The following LRFN5 variants were observed in gnomAD, a reference collection of about 807,000 sequenced individuals.
LRFN5 encodes leucine-rich repeat and fibronectin type-III domain-containing protein 5.
LRFN5 carries 24 observed loss-of-function variants against 45.6 expected under a neutral mutation model. The observed-to-expected ratio is 0.53, with a 90% CI of 0.38 to 0.74. The LOEUF is 0.74. Among genes scored for constraint, LRFN5 ranks in the 30% least tolerant of loss-of-function variants. LRFN5 has a pLI of 0.00. For synonymous variants in LRFN5, 340 were observed against 313.8 expected (o/e 1.08, Z -0.88); for missense variants, 776 against 861.5 (o/e 0.90, Z 1.24).
At chr14:41,781,222 G>A (rs1448631594) in intron 2 of LRFN5, among the ~76,000 whole-genome samples, 3 of 152,026 alleles carry the variant, frequency 2.0e-5, no homozygotes, top group Admixed American at 6.6e-5. Flanking sequence ...TGCTTGTGAT[G>A]AATTTCCTTA....
At chr14:41,657,892 G>A (rs1009505032) in intron 1 of LRFN5, among the ~76,000 whole-genome samples, 2 of 150,960 alleles carry the variant, frequency 1.3e-5, no homozygotes, top group Admixed American at 6.6e-5. Flanking sequence ...CTTCAGTAAG[G>A]TAAAAGAGCT....
chr14:41,867,497 C>T (rs1048723793), intron 2 of LRFN5, among the ~76,000 whole-genome samples: 2 of 152,096 alleles, frequency 1.3e-5, no homozygotes, highest in Non-Finnish European at 2.9e-5. Flanking sequence ...CTTACTTCCA[C>T]CTGATTTTTA....
chr14:41,719,626 C>G (rs1252585491), intron 1 of LRFN5, among the ~76,000 whole-genome samples: 1 of 151,910 alleles, frequency 6.6e-6, no homozygotes, highest in East Asian at 1.9e-4. Context: ...TTTCTTGTTT[C>G]TGACATAGAT....
intron 1 of LRFN5, among the ~76,000 whole-genome samples, chr14:41,663,049 G>A (rs1209175308): frequency 6.6e-6 from 1 of 152,066 alleles, no homozygotes; most frequent in Non-Finnish European, 1.5e-5. Context: ...AGCTACTTAG[G>A]ATCTGCTAAG....
chr14:41,847,294 C>A (rs1388195382), intron 2 of LRFN5, among the ~76,000 whole-genome samples: 1 of 152,004 alleles, frequency 6.6e-6, no homozygotes, highest in African/African-American at 2.4e-5. Flanking sequence ...CTTCTATATT[C>A]CTTCATGGGG....
At chr14:41,822,019 A>G (rs576095288) in intron 2 of LRFN5, among the ~76,000 whole-genome samples, 53 of 151,360 alleles carry the variant, frequency 3.5e-4, no homozygotes, top group African/African-American at 1.1e-3. Context: ...TTGTTTTTCA[A>G]CTTTGATTGT....
At chr14:41,796,757 AT>A (rs1205629142) in intron 2 of LRFN5, among the ~76,000 whole-genome samples, 1 of 151,812 alleles carries the variant, frequency 6.6e-6, no homozygotes, top group Non-Finnish European at 1.5e-5. Context: ...GCATGGCAAC[AT>A]TTTCGCCCAT....
At chr14:41,679,904 G>A (rs569852116) in intron 1 of LRFN5, among the ~76,000 whole-genome samples, 1 of 152,252 alleles carries the variant, frequency 6.6e-6, no homozygotes, top group South Asian at 2.1e-4. Flanking sequence ...AAAGTCCCAG[G>A]TTTGGCAGCA....
At chr14:41,714,477 G>GA (rs1368813884) in intron 1 of LRFN5, among the ~76,000 whole-genome samples, 2 of 152,216 alleles carry the variant, frequency 1.3e-5, no homozygotes, top group East Asian at 3.9e-4. Context: ...AACAAAATTG[G>GA]ATTAATTTTT....
At chr14:41,811,208 A>T (rs1438698272) in intron 2 of LRFN5, among the ~76,000 whole-genome samples, 1 of 152,142 alleles carries the variant, frequency 6.6e-6, no homozygotes, top group Non-Finnish European at 1.5e-5. Flanking sequence ...TGCAGATTAT[A>T]ACTACAATAA....
intron 1 of LRFN5, chr14:41,699,700 T>C (rs1013334883): frequency 1.3e-5 from 2 of 152,040 alleles, no homozygotes; most frequent in Admixed American, 6.6e-5. Flanking sequence ...GTGGAAGAGA[T>C]TGTTACAGGA....
chr14:41,710,934 A>G (rs1883258267), intron 1 of LRFN5, among the ~76,000 whole-genome samples: 1 of 152,146 alleles, frequency 6.6e-6, no homozygotes. Flanking sequence ...TACAAAGGAC[A>G]TGAACTCATC....
intron 1 of LRFN5, among the ~76,000 whole-genome samples, chr14:41,616,744 A>G (rs1390609404): frequency 6.6e-6 from 1 of 152,158 alleles, no homozygotes; most frequent in Non-Finnish European, 1.5e-5. Context: ...AAAAATTATT[A>G]AAAGTATTGC....
chr14:41,673,675 AC>A (rs747086519), intron 1 of LRFN5, among the ~76,000 whole-genome samples: 2 of 110,044 alleles, frequency 1.8e-5, no homozygotes, highest in Non-Finnish European at 1.8e-5. Flanking sequence ...AGGGGGGCTG[AC>A]CCCCCCACCT....
chr14:41,715,529 G>A (rs2138756339), intron 1 of LRFN5, among the ~76,000 whole-genome samples: 1 of 152,228 alleles, frequency 6.6e-6, no homozygotes, highest in Non-Finnish European at 1.5e-5. Flanking sequence ...TTTTTCAGAA[G>A]CAAAGGAGTT....
chr14:41,728,969 G>GAACT (rs74823166), intron 1 of LRFN5, among the ~76,000 whole-genome samples: 32,166 of 151,848 alleles, frequency 0.21, 3,439 homozygotes, highest in Non-Finnish European at 0.23. Context: ...CTCACTACAT[G>GAACT]AACTATTTAT....
At chr14:41,767,563 C>T (rs535397132) in intron 2 of LRFN5, among the ~76,000 whole-genome samples, 1 of 152,098 alleles carries the variant, frequency 6.6e-6, no homozygotes, top group South Asian at 2.1e-4. Context: ...GATACGTTAT[C>T]TGGGTCATTC....
intron 1 of LRFN5, among the ~76,000 whole-genome samples, chr14:41,707,830 A>G (rs1447654478): frequency 6.6e-6 from 1 of 152,040 alleles, no homozygotes; most frequent in Non-Finnish European, 1.5e-5. Context: ...CAATGGTTAT[A>G]TATTGCCCCA....
chr14:41,707,686 T>C (rs1883122027), intron 1 of LRFN5, among the ~76,000 whole-genome samples: 1 of 152,108 alleles, frequency 6.6e-6, no homozygotes, highest in Non-Finnish European at 1.5e-5. Flanking sequence ...TTTTCAAGTG[T>C]TAGCAAACTA....
Sources: allele counts gnomAD v4.1 joint callset (sites outside exome capture counted in the v4.1 genomes callset), GRCh38; gene constraint gnomAD v4.1.1; transcripts MANE v1.5; gene names NCBI Gene and HGNC (gene_info 2026-07-23, HGNC 2026-07-21).